The following ZFAT variants were observed in gnomAD, a reference collection of about 807,000 sequenced individuals.
The protein encoded by ZFAT is zinc finger and AT-hook domain containing, also known as zinc finger protein ZFAT.
In ZFAT, 64 loss-of-function variants were observed where a neutral mutation model predicts 117.7. The observed-to-expected ratio is 0.54, with a 90% CI of 0.44 to 0.67. The LOEUF (loss-of-function observed/expected upper bound fraction) is 0.67. ZFAT is among the 30% of genes least tolerant of loss of function. The pLI is 0.00. For missense variants in ZFAT, 1,433 were observed against 1,584.5 expected (o/e 0.90, Z 1.62); for synonymous variants, 679 against 615.0 (o/e 1.10, Z -1.54).
chr8:134,827,791 G>A, the ZFAT span, among the ~76,000 whole-genome samples: 1 of 150,638 alleles, frequency 6.6e-6, no homozygotes, highest in Non-Finnish European at 1.5e-5. Flanking sequence ...AAAAATTCTA[G>A]TTAATATTAT....
chr8:134,642,666 C>T (rs1406433524), intron 2 of ZFAT, among the ~76,000 whole-genome samples: 3 of 152,138 alleles, frequency 2.0e-5, no homozygotes, highest in Non-Finnish European at 4.4e-5. Flanking sequence ...CCAGGAAATC[C>T]AATGTAGAAT....
rs142039947 is a variant in ZFAT at position 134,682,570 on chromosome 8, G to A, written c.20-24833C>T. On this transcript the variant is annotated intron_variant, in intron 1 of 15. Coordinates refer to ENST00000377838, the MANE Select transcript of ZFAT (RefSeq NM_020863.4). Reference sequence around the variant, plus strand: ...CTGGGGAGGCTGAGGTGAGAGGATCGCTTGAGCCTGGAAGGCGGAGGTTGC... The same window carrying A: ...CTGGGGAGGCTGAGGTGAGAGGATCACTTGAGCCTGGAAGGCGGAGGTTGC... Among the ~76,000 whole-genome samples, 431 of 152,314 alleles carry A rather than the reference G, an allele frequency of 2.8e-3. 2 individuals are homozygous for A. The highest frequency in any genetic ancestry group is 9.9e-3 in the African/African-American group (410 of 41,568).
intron 11 of ZFAT, among the ~76,000 whole-genome samples, chr8:134,559,125 T>C (rs9792216): frequency 0.09 from 13,746 of 152,260 alleles, 905 homozygotes; most frequent in East Asian, 0.34. Context: ...CTTAAATTAT[T>C]GAATAGGTAA....
chr8:134,722,833 A>G, the ZFAT span: 1 of 152,178 alleles, frequency 6.6e-6, no homozygotes, highest in Admixed American at 6.5e-5. Context: ...ATACTTCCAA[A>G]TGTGACTGCA....
chr8:134,810,992 A>G, the ZFAT span, among the ~76,000 whole-genome samples: 2 of 152,146 alleles, frequency 1.3e-5, no homozygotes, highest in East Asian at 3.9e-4. Context: ...TCTTCTGAAA[A>G]AGTTTTAAAC....
At chr8:134,708,727 C>A (rs139947671) in intron 1 of ZFAT, among the ~76,000 whole-genome samples, 2 of 152,028 alleles carry the variant, frequency 1.3e-5, no homozygotes, top group Admixed American at 1.3e-4. Flanking sequence ...CTGAGGCAGG[C>A]GGATCACCTG....
intron 1 of ZFAT, among the ~76,000 whole-genome samples, chr8:134,676,255 CAAAA>C (rs146638821): frequency 2.2e-4 from 18 of 80,584 alleles, no homozygotes; most frequent in Admixed American, 4.5e-4. Flanking sequence ...AAATGGAAAG[CAAAA>C]AAAAAAAAAA....
At position 134,601,901 on chromosome 8, in the gene ZFAT, T is replaced by C; in HGVS notation, c.1818A>G (p.Ala606=). 1 of 1,613,918 alleles carries C rather than the reference T, an allele frequency of 6.2e-7. No homozygotes were observed. The highest frequency in any genetic ancestry group is 8.5e-7 in the Non-Finnish European group (1 of 1,179,908). ...GCTTCTCAGGAGCAGCATGAGCCTC[T>C]GCGGAGGAGGTATCATTTTTCAACA... ...DFLLKNDTSS[A]EAHAAPEKPP... The change falls in exon 6 of 16, where the codon GCA becomes GCG. Residue 606 remains alanine, a synonymous_variant. Transcript: ENST00000377838.
At chr8:134,507,031 G>A (rs11166855) in intron 15 of ZFAT, among the ~76,000 whole-genome samples, 104,128 of 152,120 alleles carry the variant, frequency 0.68, 36,408 homozygotes, top group East Asian at 0.96. Flanking sequence ...TACTATGTGT[G>A]ATGTCTTGGG....
the ZFAT span, among the ~76,000 whole-genome samples, chr8:134,774,534 A>C: frequency 6.6e-6 from 1 of 152,192 alleles, no homozygotes; most frequent in Non-Finnish European, 1.5e-5. Flanking sequence ...GAAGGCTCAG[A>C]TGGTTGTTAG....
chr8:134,829,877 T>C, the ZFAT span, among the ~76,000 whole-genome samples: 2 of 152,094 alleles, frequency 1.3e-5, no homozygotes, highest in Admixed American at 6.5e-5. Context: ...AATTGAAAAA[T>C]AAGCAATTCT....
chr8:134,508,678 A>T (rs1361998500), intron 15 of ZFAT, among the ~76,000 whole-genome samples: 1 of 152,064 alleles, frequency 6.6e-6, no homozygotes, highest in Non-Finnish European at 1.5e-5. Context: ...GGTTTATTCG[A>T]GCTTTATCCT....
Position 134,657,599 on chromosome 8 carries a change from C to T in ZFAT, c.158G>A (p.Ser53Asn). Residue 53 changes from serine to asparagine, a missense_variant, in exon 2 of 16, where the codon AGT (serine) becomes AAT (asparagine). This residue lies in a region of ZFAT where 436 missense variants were observed against 482.0 expected (regional missense o/e 0.90). Coordinates refer to ENST00000377838, the MANE Select transcript of ZFAT (RefSeq NM_020863.4). The part of the protein sequence containing the change: ...DEIIIPLRPL[S>N]TPEPPNSSKT... Reference sequence around the variant, plus strand: ...GCTTGAGTTGGGGGGTTCAGGTGTACTCAGAGGCCTAAGGGGAATAATAAT... The same window carrying T: ...GCTTGAGTTGGGGGGTTCAGGTGTATTCAGAGGCCTAAGGGGAATAATAAT... The T allele has an allele frequency of 6.2e-7, 1 of 1,613,962 alleles. No individual in the cohort carries two copies. Among genetic ancestry groups the T allele is most frequent in the Non-Finnish European group, 8.5e-7 (1 of 1,179,982 alleles).
intron 1 of ZFAT, among the ~76,000 whole-genome samples, chr8:134,664,210 A>G (rs1029083897): frequency 1.3e-5 from 2 of 151,164 alleles, no homozygotes; most frequent in African/African-American, 4.9e-5. Flanking sequence ...CCCACTCTAC[A>G]GTACAGGACG....
chr8:134,540,395 C>T (rs539342149), intron 11 of ZFAT, among the ~76,000 whole-genome samples: 1 of 152,280 alleles, frequency 6.6e-6, no homozygotes, highest in South Asian at 2.1e-4. Flanking sequence ...TTTTTATTCC[C>T]CTGTCTAATG....
chr8:134,616,387 A>G (rs1402722440), intron 3 of ZFAT, among the ~76,000 whole-genome samples: 1 of 152,108 alleles, frequency 6.6e-6, no homozygotes, highest in Admixed American at 6.5e-5. Flanking sequence ...TTGCTCACCA[A>G]TTTCCCTATA....
At chr8:134,523,696 C>G (rs1469700624) in intron 12 of ZFAT, among the ~76,000 whole-genome samples, 1 of 152,226 alleles carries the variant, frequency 6.6e-6, no homozygotes, top group African/African-American at 2.4e-5. Flanking sequence ...CCTTCATTCT[C>G]TCCCTTCTCT....
chr8:134,663,693 G>A (rs575715269), intron 1 of ZFAT, among the ~76,000 whole-genome samples: 9 of 152,290 alleles, frequency 5.9e-5, no homozygotes, highest in East Asian at 1.9e-4. Context: ...AGCTGAGATC[G>A]TGCCACTGTA....
intron 9 of ZFAT, 67 bp downstream of exon 9, chr8:134,588,179 A>C: frequency 2.0e-6 from 3 of 1,486,464 alleles, no homozygotes; most frequent in Non-Finnish European, 1.8e-6. Flanking sequence ...CTCTTAATGT[A>C]CTCCCAAAAT....
Sources: allele counts gnomAD v4.1 joint callset (sites outside exome capture counted in the v4.1 genomes callset), GRCh38; gene constraint gnomAD v4.1.1; regional missense constraint gnomAD v4.1.1; transcripts MANE v1.5; gene names NCBI Gene and HGNC (gene_info 2026-07-23, HGNC 2026-07-21).